Variants in CNKSR2 observed in about 807,000 individuals in gnomAD.
CNKSR2 encodes connector enhancer of kinase suppressor of Ras 2.
CNKSR2 carries 14 observed loss-of-function variants against 84.4 expected under a neutral mutation model. The observed-to-expected ratio is 0.17, with a 90% CI of 0.11 to 0.26. The LOEUF (loss-of-function observed/expected upper bound fraction) is 0.26. CNKSR2 is among the 10% of genes least tolerant of loss of function. CNKSR2 has a pLI of 1.00. For synonymous variants in CNKSR2, 275 were observed against 277.9 expected (o/e 0.99, Z 0.10); for missense variants, 485 against 771.2 (o/e 0.63, Z 4.40).
chrX:21,651,292 A>G (rs2092720419), intron 21 of CNKSR2, among the ~76,000 whole-genome samples: 1 of 111,861 alleles, frequency 8.9e-6, no homozygotes, highest in Non-Finnish European at 1.9e-5. Flanking sequence ...GGTTTTTGGC[A>G]TGGAAAATTA....
intron 1 of CNKSR2, among the ~76,000 whole-genome samples, chrX:21,411,053 T>C (rs1443148648): frequency 2.7e-5 from 3 of 111,424 alleles, no homozygotes; most frequent in African/African-American, 9.8e-5. Flanking sequence ...GTGGAGATTA[T>C]TTCAGTCATA....
At chrX:21,536,555 T>A (rs760873896) in intron 11 of CNKSR2, among the ~76,000 whole-genome samples, 1 of 111,188 alleles carries the variant, frequency 9.0e-6, no homozygotes. Context: ...CATTACTAGA[T>A]AGTGATCTGT....
At chrX:21,494,856 A>G (rs1326199756) in intron 6 of CNKSR2, 1 of 111,829 alleles carries the variant, frequency 8.9e-6, no homozygotes, top group Non-Finnish European at 1.9e-5. Flanking sequence ...GCTTGACTAC[A>G]TTGTGAATGC....
chrX:21,487,410 C>G (rs760182699), intron 5 of CNKSR2, among the ~76,000 whole-genome samples: 111 of 111,868 alleles, frequency 9.9e-4, no homozygotes, highest in Middle Eastern at 9.2e-3. Flanking sequence ...AAGAAATATA[C>G]ATATGTATAT....
At chrX:21,440,575 G>C (rs149257941) in intron 3 of CNKSR2, 119 bp from the exon 4 acceptor site, 9,043 of 309,972 alleles carry the variant, frequency 0.029, 136 homozygotes, top group Middle Eastern at 0.055. Context: ...ATTTTTATCA[G>C]TATGGAAATT....
At chrX:21,519,836 A>C (rs1231368114) in intron 9 of CNKSR2, among the ~76,000 whole-genome samples, 1 of 111,148 alleles carries the variant, frequency 9.0e-6, no homozygotes, top group East Asian at 2.8e-4. Flanking sequence ...AGGCACTGAT[A>C]CATGTATCTT....
chrX:21,485,363 T>C (rs1244023888), intron 5 of CNKSR2, among the ~76,000 whole-genome samples: 1 of 111,056 alleles, frequency 9.0e-6, no homozygotes. Flanking sequence ...AAAATGTTGC[T>C]TTATTTTGTG....
intron 5 of CNKSR2, among the ~76,000 whole-genome samples, chrX:21,481,024 T>C (rs1462694073): frequency 8.9e-6 from 1 of 112,099 alleles, no homozygotes; most frequent in Admixed American, 9.5e-5. Flanking sequence ...TTTAACATCT[T>C]TGTGCCTCCA....
chrX:21,377,971 G>A (rs2089843499), intron 1 of CNKSR2, among the ~76,000 whole-genome samples: 1 of 111,674 alleles, frequency 9.0e-6, no homozygotes, highest in African/African-American at 3.2e-5. Context: ...AATATAAAAT[G>A]TATATATTGT....
intron 20 of CNKSR2, among the ~76,000 whole-genome samples, chrX:21,610,071 A>G (rs1430260201): frequency 8.9e-6 from 1 of 112,188 alleles, no homozygotes; most frequent in Non-Finnish European, 1.9e-5. Context: ...CTATACATAT[A>G]CATATTTATC....
intron 1 of CNKSR2, among the ~76,000 whole-genome samples, chrX:21,417,534 T>C (rs1467049984): frequency 8.9e-6 from 1 of 111,846 alleles, no homozygotes; most frequent in Admixed American, 9.5e-5. Flanking sequence ...GCTATTATTA[T>C]ATTGGGGGTT....
chrX:21,591,261 C>A, intron 15 of CNKSR2, 67 bp downstream of exon 15: 1 of 947,872 alleles, frequency 1.1e-6, no homozygotes, highest in Non-Finnish European at 1.4e-6. Flanking sequence ...CATTTTGAGA[C>A]TTATATTTTA....
At chrX:21,378,627 C>T (rs1479365013) in intron 1 of CNKSR2, among the ~76,000 whole-genome samples, 1 of 110,963 alleles carries the variant, frequency 9.0e-6, no homozygotes, top group Non-Finnish European at 1.9e-5. Flanking sequence ...TTTTCCTAGT[C>T]CGTGTCACAC....
chrX:21,462,739 A>C (rs1322696475), intron 4 of CNKSR2, among the ~76,000 whole-genome samples: 1 of 97,916 alleles, frequency 1.0e-5, no homozygotes, highest in Non-Finnish European at 2.0e-5. Flanking sequence ...TTTGAGACAG[A>C]CTCTCACTCT....
At chrX:21,566,203 T>C (rs777828792) in intron 13 of CNKSR2, among the ~76,000 whole-genome samples, 60 of 112,103 alleles carry the variant, frequency 5.4e-4, no homozygotes, top group African/African-American at 1.5e-3. Flanking sequence ...TACTATTTGT[T>C]AAGTTAGGGG....
At chrX:21,633,990 G>A (rs917584507) in intron 20 of CNKSR2, among the ~76,000 whole-genome samples, 1 of 112,047 alleles carries the variant, frequency 8.9e-6, no homozygotes, top group Non-Finnish European at 1.9e-5. Flanking sequence ...TTTTAGTTAA[G>A]ATGAACATTA....
chrX:21,625,448 G>A (rs770617164), intron 20 of CNKSR2, among the ~76,000 whole-genome samples: 37 of 111,852 alleles, frequency 3.3e-4, no homozygotes, highest in African/African-American at 1.0e-3. Context: ...GCAGGGTGGT[G>A]AGGTTTTTTA....
chrX:21,514,495 T>G (rs1435471196), intron 8 of CNKSR2, among the ~76,000 whole-genome samples: 1 of 111,918 alleles, frequency 8.9e-6, no homozygotes, highest in Non-Finnish European at 1.9e-5. Flanking sequence ...GCAATTCTGT[T>G]TTTTGGAATT....
intron 11 of CNKSR2, among the ~76,000 whole-genome samples, chrX:21,552,451 T>C (rs1001456269): frequency 8.9e-6 from 1 of 112,083 alleles, no homozygotes; most frequent in East Asian, 2.8e-4. Context: ...ATGGAACTAA[T>C]GTTTTATGGA....
Sources: allele counts gnomAD v4.1 joint callset (sites outside exome capture counted in the v4.1 genomes callset), GRCh38; gene constraint gnomAD v4.1.1; transcripts MANE v1.5; gene names NCBI Gene and HGNC (gene_info 2026-07-23, HGNC 2026-07-21).